CNBD1: variants seen among roughly 807,000 people sequenced by gnomAD.
The protein encoded by CNBD1 is cyclic nucleotide binding domain containing 1, also known as cyclic nucleotide-binding domain-containing protein 1.
In CNBD1, 71 loss-of-function variants were observed where a neutral mutation model predicts 54.4. That is an observed-to-expected ratio of 1.30 (90% CI 1.08 to 1.59). The LOEUF is 1.59. Ranked by LOEUF, CNBD1 falls within the 40% of genes most tolerant of loss-of-function variation. The pLI is 0.00. For missense variants in CNBD1, 659 were observed against 518.0 expected, an observed-to-expected ratio of 1.27 and a Z score of -2.64; for synonymous variants, 182 against 170.7, an observed-to-expected ratio of 1.07 and a Z score of -0.51.
intron 6 of CNBD1, among the ~76,000 whole-genome samples, chr8:87,261,198 C>T (rs1046050628): frequency 2.0e-5 from 3 of 152,016 alleles, no homozygotes; most frequent in African/African-American, 7.2e-5. Flanking sequence ...GAAATGTGCT[C>T]AAAGAAACTC....
intron 8 of CNBD1, among the ~76,000 whole-genome samples, chr8:87,302,472 A>G (rs1809026686): frequency 6.6e-6 from 1 of 151,972 alleles, no homozygotes; most frequent in African/African-American, 2.4e-5. Flanking sequence ...TAAATTAGGT[A>G]TTGATGGGAC....
At chr8:87,083,534 C>T (rs534717881) in intron 4 of CNBD1, among the ~76,000 whole-genome samples, 1 of 151,754 alleles carries the variant, frequency 6.6e-6, no homozygotes, top group African/African-American at 2.4e-5. Flanking sequence ...ATAGCCTGGA[C>T]TCCCCACCCT....
intron 8 of CNBD1, among the ~76,000 whole-genome samples, chr8:87,321,750 C>G (rs1188785815): frequency 6.6e-6 from 1 of 151,274 alleles, no homozygotes; most frequent in Non-Finnish European, 1.5e-5. Flanking sequence ...GGTGTCGTAT[C>G]CAAGAAATCA....
At chr8:87,350,001 A>G (rs1321897693) in intron 8 of CNBD1, among the ~76,000 whole-genome samples, 4 of 152,200 alleles carry the variant, frequency 2.6e-5, no homozygotes, top group African/African-American at 9.7e-5. Context: ...TCATAGTTAA[A>G]AATAATGGAT....
chr8:87,001,742 A>C (rs1808997769), intron 4 of CNBD1, among the ~76,000 whole-genome samples: 1 of 152,114 alleles, frequency 6.6e-6, no homozygotes, highest in African/African-American at 2.4e-5. Context: ...TGAATATTTC[A>C]AAGTGTTTTA....
At chr8:86,880,005 A>G (rs966670197) in intron 1 of CNBD1, among the ~76,000 whole-genome samples, 1 of 152,208 alleles carries the variant, frequency 6.6e-6, no homozygotes, top group African/African-American at 2.4e-5. Flanking sequence ...TAAAGCAAGA[A>G]AGTTTAACAA....
intron 5 of CNBD1, among the ~76,000 whole-genome samples, chr8:87,222,562 G>A (rs1337856539): frequency 1.3e-5 from 2 of 152,102 alleles, no homozygotes; most frequent in African/African-American, 4.8e-5. Flanking sequence ...TATAGGGCAA[G>A]GAGGGATTCA....
At chr8:87,336,850 G>A (rs976331872) in intron 8 of CNBD1, among the ~76,000 whole-genome samples, 3 of 152,106 alleles carry the variant, frequency 2.0e-5, no homozygotes, top group Admixed American at 1.3e-4. Context: ...TTCAGTCTTT[G>A]AAGCTACTGA....
chr8:87,094,778 C>A (rs954603979), intron 4 of CNBD1, among the ~76,000 whole-genome samples: 15 of 152,198 alleles, frequency 9.9e-5, no homozygotes, highest in Admixed American at 6.5e-5. Flanking sequence ...TGGCTCACGC[C>A]TGTAATCCTA....
intron 4 of CNBD1, among the ~76,000 whole-genome samples, chr8:86,967,366 A>G (rs1808106914): frequency 6.6e-6 from 1 of 152,224 alleles, no homozygotes; most frequent in Admixed American, 6.5e-5. Context: ...CAGGAGGGCC[A>G]GGCTCCTGTC....
intron 1 of CNBD1, among the ~76,000 whole-genome samples, chr8:86,879,140 TCATTGCATA>T (rs1208012349): frequency 1.3e-5 from 2 of 152,290 alleles, no homozygotes; most frequent in Admixed American, 1.3e-4. Context: ...GATTTGATTT[TCATTGCATA>T]CAACTGATTC....
At position 87,066,456 on chromosome 8, in the gene CNBD1, A is replaced by G. The variant is rs184563110; in HGVS notation, c.431+126702A>G. ...TGAAGTTTCCCTTTTCAGTGTGCTA[A>G]GATAGCCAACCCCTTTTTAAATCAG... On this transcript the variant is annotated intron_variant, in intron 4 of 10. Coordinates refer to ENST00000518476, the MANE Select transcript of CNBD1 (RefSeq NM_173538.3). Among the ~76,000 whole-genome samples, 84 of 152,098 alleles carry G rather than the reference A, an allele frequency of 5.5e-4. 1 individual carries two copies. The highest frequency in any genetic ancestry group is 1.9e-3 in the African/African-American group (81 of 41,548).
chr8:86,940,090 C>A (rs1406137774), intron 4 of CNBD1, among the ~76,000 whole-genome samples: 1 of 149,038 alleles, frequency 6.7e-6, no homozygotes, highest in South Asian at 2.1e-4. Context: ...CACAAACTGT[C>A]TTCCTCATCC....
At chr8:86,923,936 A>G (rs1371498349) in intron 3 of CNBD1, among the ~76,000 whole-genome samples, 1 of 152,190 alleles carries the variant, frequency 6.6e-6, no homozygotes, top group Non-Finnish European at 1.5e-5. Flanking sequence ...TAAGGGACCA[A>G]TGAGTCCCAG....
intron 4 of CNBD1, among the ~76,000 whole-genome samples, chr8:87,174,824 C>T (rs1813164644): frequency 6.6e-6 from 1 of 152,210 alleles, no homozygotes; most frequent in African/African-American, 2.4e-5. Context: ...CTTGCAGACT[C>T]ATAGAGGTAC....
At chr8:86,965,828 C>T (rs1808058291) in intron 4 of CNBD1, among the ~76,000 whole-genome samples, 1 of 152,124 alleles carries the variant, frequency 6.6e-6, no homozygotes, top group African/African-American at 2.4e-5. Flanking sequence ...CAGCAGGTAG[C>T]TCCTCTCATA....
At chr8:87,230,394 GT>G (rs750308192) in intron 5 of CNBD1, among the ~76,000 whole-genome samples, 2 of 152,142 alleles carry the variant, frequency 1.3e-5, no homozygotes, top group Non-Finnish European at 2.9e-5. Context: ...ACATACATTT[GT>G]AGGTATATAT....
chr8:87,007,153 C>T (rs1047749922), intron 4 of CNBD1, among the ~76,000 whole-genome samples: 13 of 151,118 alleles, frequency 8.6e-5, no homozygotes, highest in African/African-American at 2.0e-4. Context: ...ACCAAGATCA[C>T]GCCATTGCAT....
chr8:87,347,202 C>A (rs1338018712), intron 8 of CNBD1, among the ~76,000 whole-genome samples: 4 of 152,130 alleles, frequency 2.6e-5, no homozygotes, highest in Admixed American at 2.0e-4. Context: ...TGTTCTGCCA[C>A]CTCATATAGT....
Sources: allele counts gnomAD v4.1 joint callset (sites outside exome capture counted in the v4.1 genomes callset), GRCh38; gene constraint gnomAD v4.1.1; transcripts MANE v1.5; gene names NCBI Gene and HGNC (gene_info 2026-07-23, HGNC 2026-07-21).